Variants in KMT2A observed in about 807,000 individuals in gnomAD.
KMT2A encodes lysine methyltransferase 2A.
A neutral mutation model predicts 345.3 loss-of-function variants in KMT2A; 16 were observed. The ratio of observed to expected loss-of-function variants is 0.05; its 90% CI spans 0.03 to 0.07. The LOEUF (loss-of-function observed/expected upper bound fraction) is 0.07. Ranked by LOEUF, KMT2A falls within the 10% of genes least tolerant of loss-of-function variation. KMT2A has a pLI of 1.00. For synonymous variants in KMT2A, 1,599 were observed against 1,778.6 expected (o/e 0.90, Z 2.54); for missense variants, 3,272 against 4,841.6 (o/e 0.68, Z 9.62).
At position 118,498,553 on chromosome 11, in the gene KMT2A, A is replaced by G. The variant is rs1555044779; in HGVS notation, c.5961+25A>G. ...AGTGAGAGAGCTTTAGTTGCTTTAA[A>G]AAAAAAAAAAAAGACTTTTTTAGAG... On this transcript the variant is annotated intron_variant, in intron 22 of 35. Coordinates refer to ENST00000534358, the MANE Select transcript of KMT2A (RefSeq NM_001197104.2). The surrounding 1 kb of genome is among the most constrained non-coding windows in gnomAD (Gnocchi z 4.4). 1 of 1,493,416 alleles carries G rather than the reference A, an allele frequency of 6.7e-7. No individual in the cohort carries two copies. Among genetic ancestry groups the G allele is most frequent in the African/African-American group, 1.4e-5 (1 of 70,892 alleles). 92.5% of individuals were successfully genotyped at this position (1,493,416 alleles called of 1,614,324 possible).
chr11:118,491,076 CT>C lies in KMT2A; in HGVS notation c.4697-119del. 2.1e-6 allele frequency: 2 copies of C among 945,786 alleles called. No individual in the cohort carries two copies. Among genetic ancestry groups the C allele is most frequent in the East Asian group, 5.3e-5 (2 of 37,398 alleles). The allele number at this position is 945,786 out of a possible 1,614,324, so 58.6% of individuals were successfully genotyped here. ...GTGAACATTCCACAGTAGATCCATG[CT>C]GGTGTTCATGATCCCAGAAGAATAT... On this transcript the variant is annotated intron_variant, in intron 13 of 35. Coordinates refer to ENST00000534358, the MANE Select transcript of KMT2A (RefSeq NM_001197104.2). The surrounding 1 kb of genome is among the most constrained non-coding windows in gnomAD (Gnocchi z 4.2).
intron 31 of KMT2A, among the ~76,000 whole-genome samples, chr11:118,516,285 C>T (rs1339993980): frequency 1.3e-5 from 2 of 152,068 alleles, no homozygotes; most frequent in Non-Finnish European, 2.9e-5. Context: ...CTTGATGAGG[C>T]AACATTTGAG....
chr11:118,522,054 T>C lies in KMT2A; in HGVS notation c.11801T>C (p.Met3934Thr), dbSNP rs782378727. The change falls in exon 36 of 36, where the codon ATG (methionine) becomes ACG (threonine). Residue 3934 changes from methionine to threonine, a missense_variant. Physicochemically the swap from Met to Thr is moderately conservative, Grantham distance 81. Around this residue, in one of 27 missense-constraint regions of KMT2A, gnomAD observed 78 missense variants for 254.5 expected, o/e 0.31. Transcript: ENST00000534358. This position sits in a 1 kb window ranked among gnomAD's most constrained non-coding sequence, Gnocchi z 5.4. ...CAGAAGCACATTGTCATCTTTGCCA[T>C]GCGTAAGATCTACCGAGGAGAGGAA... ...DGQKHIVIFA[M>T]RKIYRGEELT... 2.5e-6 allele frequency: 4 copies of C among 1,614,236 alleles called. No homozygotes were observed. The highest frequency in any genetic ancestry group is 2.2e-5 in the East Asian group (1 of 44,884).
intron 1 of KMT2A, among the ~76,000 whole-genome samples, chr11:118,455,461 T>C (rs1555030507): frequency 6.6e-6 from 1 of 152,144 alleles, no homozygotes; most frequent in African/African-American, 2.4e-5. Context: ...AGTTAATGCC[T>C]TCTCTACATT....
In KMT2A at chr11:118,440,347, A is replaced by G. The variant is rs1949287227; in HGVS notation, c.432+3403A>G. 2.0e-5 allele frequency among the ~76,000 whole-genome samples: 3 copies of G among 152,116 alleles called. No homozygotes were observed. In the South Asian group the frequency reaches 6.2e-4, roughly 32 times the overall value. ...GAGCACTGTAAGAAATCAGAGGTCC[A>G]TTTTTTGCCTTTCCCCTTCCCTCTG... is the stretch of plus-strand genomic sequence containing the variant. On this transcript the variant is annotated intron_variant, in intron 1 of 35. Transcript: ENST00000534358.
Position 118,505,877 on chromosome 11 carries a change from C to T in KMT2A, c.9985C>T (p.Leu3329Phe). ...AACAATAAGCCAGGATACTAGCCAC[C>T]TCACATCAGGGTCTGTGTCTGGCTT... is the stretch of plus-strand genomic sequence containing the variant. ...TSTISQDTSHLTSGSVSGLAS... is the reference protein window; with the variant it reads ...TSTISQDTSHFTSGSVSGLAS... Residue 3329 changes from leucine (L) to phenylalanine (F), a missense_variant, in exon 27 of 36, where the codon CTC (leucine) becomes TTC (phenylalanine). By Grantham distance (22) the Leu-to-Phe change is conservative (BLOSUM62 0). Coordinates refer to ENST00000534358, the MANE Select transcript of KMT2A (RefSeq NM_001197104.2). The surrounding 1 kb of genome is among the most constrained non-coding windows in gnomAD (Gnocchi z 4.6). 1 of 1,614,202 alleles carries T rather than the reference C, an allele frequency of 6.2e-7. No homozygotes were observed. The highest frequency in any genetic ancestry group is 8.5e-7 in the Non-Finnish European group (1 of 1,180,046).
At chr11:118,512,429 C>A (rs554118330) in intron 31 of KMT2A, 1 of 183,724 alleles carries the variant, frequency 5.4e-6, no homozygotes, top group Non-Finnish European at 1.1e-5. Context: ...AGAATACTTT[C>A]CAGGTTCTTC....
rs368659701 is a variant in KMT2A at position 118,472,961 on chromosome 11, C to G, written c.1802C>G (p.Thr601Ser). 6.8e-6 allele frequency: 11 copies of G among 1,614,034 alleles called. No individual in the cohort carries two copies. Among genetic ancestry groups the G allele is most frequent in the African/African-American group, 6.7e-5 (5 of 74,912 alleles). The change falls in exon 3 of 36, where the codon ACT (threonine) becomes AGT (serine). Residue 601 changes from threonine (T) to serine (S), a missense_variant. Coordinates refer to ENST00000534358, the MANE Select transcript of KMT2A (RefSeq NM_001197104.2). The part of the protein sequence containing the change: ...PLASPFLPAS[T>S]APMQGKRKSI... ...GCATCACCATTTTTGCCTGCTTCCA[C>G]TGCTCCTATGCAAGGGAAGCGAAAA...
chr11:118,439,178 A>G (rs1029442452), intron 1 of KMT2A: 17 of 405,918 alleles, frequency 4.2e-5, no homozygotes, highest in East Asian at 1.4e-4. Context: ...AAAAAAGAAA[A>G]AAAAGAAAAA....
intron 1 of KMT2A, among the ~76,000 whole-genome samples, chr11:118,452,883 C>T (rs557209079): frequency 4.9e-4 from 75 of 151,674 alleles, no homozygotes; most frequent in African/African-American, 1.7e-3. Flanking sequence ...CTGCCCACCT[C>T]GGCCTCCCAA....
chr11:118,458,364 G>T (rs1177697024), intron 1 of KMT2A, among the ~76,000 whole-genome samples: 1 of 152,160 alleles, frequency 6.6e-6, no homozygotes, highest in African/African-American at 2.4e-5. Flanking sequence ...TAGGATTTCA[G>T]GTGTGAGCCA....
At position 118,520,982 on chromosome 11, in the gene KMT2A, G is replaced by A; in HGVS notation, c.11513+97G>A. ...TGGAGTGACCTTCCTCACTCAGTAA[G>A]TGAGGATTTTACGGACACTATTTAT... On this transcript the variant is annotated intron_variant, in intron 34 of 35. Coordinates refer to ENST00000534358, the MANE Select transcript of KMT2A (RefSeq NM_001197104.2). The surrounding 1 kb of genome is among the most constrained non-coding windows in gnomAD (Gnocchi z 4.3). The A allele has an allele frequency of 1.1e-6, 1 of 917,998 alleles. No individual in the cohort carries two copies. Among genetic ancestry groups the A allele is most frequent in the Non-Finnish European group, 1.8e-6 (1 of 562,914 alleles). 56.9% of individuals were successfully genotyped at this position (917,998 alleles called of 1,614,324 possible). A position where few individuals can be genotyped will look rare whatever the true frequency, so the allele number is the denominator to read the frequency against.
rs781915476 is a variant in KMT2A at position 118,477,918 on chromosome 11, G to T, written c.3335-49G>T. On this transcript the variant is annotated intron_variant, in intron 4 of 35. Transcript: ENST00000534358. ...ATTTTTGGAGTACCAATTAAAACCA[G>T]GTTTGAATTCAGTACTCCCTTGGAA... The T allele has an allele frequency of 5.1e-6, 7 of 1,378,948 alleles. No individual in the cohort carries two copies. In the African/African-American group the frequency reaches 7.2e-5, roughly 14 times the overall value. 85.4% of individuals were successfully genotyped at this position (1,378,948 alleles called of 1,614,324 possible). A position where few individuals can be genotyped will look rare whatever the true frequency, so the allele number is the denominator to read the frequency against.
chr11:118,475,261 G>T (rs1372058715), intron 3 of KMT2A, among the ~76,000 whole-genome samples: 15 of 147,898 alleles, frequency 1.0e-4, no homozygotes, highest in African/African-American at 3.0e-4. Context: ...CAGCATTTTT[G>T]TTTTTTTTTT....
At chr11:118,489,974 G>C (rs1950299678) in intron 12 of KMT2A, 87 bp downstream of exon 12, 3 of 1,431,284 alleles carry the variant, frequency 2.1e-6, no homozygotes, top group Non-Finnish European at 2.9e-6. Context: ...ATCTATGCTT[G>C]AGGATGTCAG....
intron 3 of KMT2A, among the ~76,000 whole-genome samples, chr11:118,475,844 AT>A (rs1454981488): frequency 6.6e-6 from 1 of 152,214 alleles, no homozygotes; most frequent in East Asian, 1.9e-4. Context: ...ACCATGTTGG[AT>A]GTTTTTGTGA....
chr11:118,476,097 G>A lies in KMT2A; in HGVS notation c.3157-708G>A, dbSNP rs1273200699. Among the ~76,000 whole-genome samples the A allele has an allele frequency of 6.6e-6, 1 of 151,992 alleles. No homozygotes were observed. Among genetic ancestry groups the A allele is most frequent in the African/African-American group, 2.4e-5 (1 of 41,372 alleles). On this transcript the variant is annotated intron_variant, in intron 3 of 35. Coordinates refer to ENST00000534358, the MANE Select transcript of KMT2A (RefSeq NM_001197104.2). The surrounding 1 kb of genome is among the most constrained non-coding windows in gnomAD (Gnocchi z 4.1). Reference sequence around the variant, plus strand: ...ATTTTGTATTTTTAGTAGAGACAGGGTTTCTCCATGTTGGTCAGGCTGGTC... The same window carrying A: ...ATTTTGTATTTTTAGTAGAGACAGGATTTCTCCATGTTGGTCAGGCTGGTC...
chr11:118,445,227 G>A (rs1291006309), intron 1 of KMT2A, among the ~76,000 whole-genome samples: 2 of 152,120 alleles, frequency 1.3e-5, no homozygotes, highest in African/African-American at 4.8e-5. Context: ...CCAGCCACCC[G>A]TCTTGGTAAC....
chr11:118,452,474 G>A (rs1302061436), intron 1 of KMT2A, among the ~76,000 whole-genome samples: 2 of 152,124 alleles, frequency 1.3e-5, no homozygotes, highest in Non-Finnish European at 1.5e-5. Context: ...GGAGGCTGCC[G>A]TGAGGTATGA....
Sources: gnomAD v4.1 joint callset for allele counts (sites outside exome capture counted in the v4.1 genomes callset) on GRCh38, gnomAD v4.1.1 for gene constraint, gnomAD v4.1.1 regional missense constraint, Gnocchi (gnomAD v3.1) non-coding constraint, MANE v1.5 for transcripts, NCBI Gene and HGNC (gene_info 2026-07-23, HGNC 2026-07-21) for gene names.